The following KIF5C variants were observed in gnomAD, a reference collection of about 807,000 sequenced individuals.
KIF5C encodes kinesin family member 5C.
In KIF5C, 18 loss-of-function variants were observed where a neutral mutation model predicts 125.2. That is an observed-to-expected ratio of 0.14 (90% CI 0.10 to 0.21). The LOEUF is 0.21. Ranked by LOEUF, KIF5C falls within the 10% of genes least tolerant of loss-of-function variation. The pLI is 1.00. For synonymous variants in KIF5C, 405 were observed against 434.0 expected (o/e 0.93, Z 0.83); for missense variants, 780 against 1,183.8 (o/e 0.66, Z 5.01).
intron 1 of KIF5C, chr2:148,879,156 C>G (rs557704820): frequency 6.6e-6 from 1 of 152,174 alleles, no homozygotes; most frequent in East Asian, 1.9e-4. Context: ...TATGATCTCC[C>G]AAGTTTTTTG....
chr2:148,883,237 C>T (rs1681417461), intron 1 of KIF5C, among the ~76,000 whole-genome samples: 1 of 152,212 alleles, frequency 6.6e-6, no homozygotes, highest in Admixed American at 6.5e-5. Flanking sequence ...CGCAGTGGCT[C>T]ACACCTGTAA....
Position 148,875,575 on chromosome 2 carries a change from G to GGCCCCCCCCCCACACCCCCCCCCCCC in KIF5C, c.-43_-42insGCCCCCCCCCCACACCCCCCCCCCCC. On this transcript the variant is annotated 5_prime_UTR_variant, in exon 1 of 26. Coordinates refer to ENST00000435030, the MANE Select transcript of KIF5C (RefSeq NM_004522.3). ...TCCTCCCTCGTCGTTCCCGGCCCCG[G>GGCCCCCCCCCCACACCCCCCCCCCCC]CCCCCCACCCATCCCCGTGCCCCCT... 1 of 699,606 alleles carries GGCCCCCCCCCCACACCCCCCCCCCCC rather than the reference G, an allele frequency of 1.4e-6. No homozygotes were observed. Among genetic ancestry groups the GGCCCCCCCCCCACACCCCCCCCCCCC allele is most frequent in the Non-Finnish European group, 2.6e-6 (1 of 389,230 alleles). The allele number at this position is 699,606 out of a possible 1,614,324, so 43.3% of individuals were successfully genotyped here. A position where few individuals can be genotyped will look rare whatever the true frequency, so the allele number is the denominator to read the frequency against.
intron 23 of KIF5C, among the ~76,000 whole-genome samples, chr2:149,009,127 T>C (rs1352696858): frequency 6.6e-6 from 1 of 151,296 alleles, no homozygotes; most frequent in Non-Finnish European, 1.5e-5. Context: ...GTAGCTGGGA[T>C]TACAGGTGCG....
intron 4 of KIF5C, 128 bp downstream of exon 4, chr2:148,937,516 G>A: frequency 2.3e-6 from 3 of 1,332,534 alleles, no homozygotes; most frequent in Non-Finnish European, 3.0e-6. Context: ...GGTAAGCAGA[G>A]CCCTCTTTAT....
At chr2:149,002,432 C>T (rs1230819993) in intron 21 of KIF5C, among the ~76,000 whole-genome samples, 1 of 152,200 alleles carries the variant, frequency 6.6e-6, no homozygotes, top group Non-Finnish European at 1.5e-5. Flanking sequence ...GTTCTCATGC[C>T]TCTGCGCAGC....
intron 1 of KIF5C, among the ~76,000 whole-genome samples, chr2:148,897,108 T>C (rs1680702835): frequency 6.6e-6 from 1 of 152,156 alleles, no homozygotes; most frequent in African/African-American, 2.4e-5. Flanking sequence ...GCTAGGATTA[T>C]AGGCATGAGC....
intron 15 of KIF5C, among the ~76,000 whole-genome samples, chr2:148,986,053 T>A (rs1448819856): frequency 6.6e-6 from 1 of 152,188 alleles, no homozygotes; most frequent in African/African-American, 2.4e-5. Flanking sequence ...GTGAGGTGAT[T>A]AAATGGCCTC....
In KIF5C at chr2:148,981,399, G is replaced by A; in HGVS notation, c.1407G>A (p.Glu469=). The change falls in exon 14 of 26, where the codon GAG becomes GAA. Residue 469 remains glutamate, a synonymous_variant. Transcript: ENST00000435030. ...GAGACTATGAGAAGATACAGGAGGAGCTGACACGTCTCCAGATTGAAAATG... is the reference window on the plus strand; with the variant it reads ...GAGACTATGAGAAGATACAGGAGGAACTGACACGTCTCCAGATTGAAAATG... ...TRRDYEKIQE[E]LTRLQIENEA... 6.2e-7 allele frequency: 1 copy of A among 1,611,526 alleles called. No individual in the cohort carries two copies. Among genetic ancestry groups the A allele is most frequent in the South Asian group, 1.1e-5 (1 of 90,192 alleles).
intron 1 of KIF5C, among the ~76,000 whole-genome samples, chr2:148,912,873 C>G (rs1485321128): frequency 6.6e-6 from 1 of 152,148 alleles, no homozygotes; most frequent in Non-Finnish European, 1.5e-5. Flanking sequence ...GATGCATGAG[C>G]CTTGTGTAGC....
chr2:148,894,664 A>G (rs1011738964), intron 1 of KIF5C, among the ~76,000 whole-genome samples: 3 of 151,848 alleles, frequency 2.0e-5, no homozygotes, highest in African/African-American at 7.3e-5. Context: ...AGGGCAAGTT[A>G]TTTTCAGCCA....
At chr2:148,919,344 G>A (rs1042522785) in intron 1 of KIF5C, among the ~76,000 whole-genome samples, 1 of 152,178 alleles carries the variant, frequency 6.6e-6, no homozygotes, top group African/African-American at 2.4e-5. Context: ...ACACCTGGAA[G>A]GGACTCGTGT....
chr2:148,974,677 A>G (rs1170356063), intron 12 of KIF5C, among the ~76,000 whole-genome samples: 1 of 152,252 alleles, frequency 6.6e-6, no homozygotes, highest in East Asian at 1.9e-4. Flanking sequence ...ATCAATAGTA[A>G]GTTAACAGTA....
At chr2:149,012,186 T>G (rs560058315) in intron 25 of KIF5C, among the ~76,000 whole-genome samples, 1 of 152,196 alleles carries the variant, frequency 6.6e-6, no homozygotes, top group East Asian at 1.9e-4. Context: ...GGATGCTTTT[T>G]TCTTTGAGAT....
At chr2:148,907,078 G>C (rs58847251) in intron 1 of KIF5C, among the ~76,000 whole-genome samples, 1 of 152,044 alleles carries the variant, frequency 6.6e-6, no homozygotes, top group Non-Finnish European at 1.5e-5. Context: ...AGAAAAGAAA[G>C]AAAAAGAAAA....
At chr2:148,934,833 G>A (rs1435277928) in intron 3 of KIF5C, among the ~76,000 whole-genome samples, 1 of 150,444 alleles carries the variant, frequency 6.6e-6, no homozygotes, top group South Asian at 2.1e-4. Flanking sequence ...CACCCCACAC[G>A]TATATCACAC....
intron 15 of KIF5C, among the ~76,000 whole-genome samples, chr2:148,986,275 A>G (rs770795504): frequency 5.3e-5 from 8 of 152,198 alleles, no homozygotes; most frequent in Admixed American, 6.5e-5. Context: ...TAAATACTCA[A>G]TTGGATATTT....
At chr2:148,908,902 G>A (rs552311849) in intron 1 of KIF5C, among the ~76,000 whole-genome samples, 31 of 152,268 alleles carry the variant, frequency 2.0e-4, no homozygotes, top group Admixed American at 9.8e-4. Flanking sequence ...GAATGAATCC[G>A]TGATGTTATC....
chr2:148,875,717 A>C lies in KIF5C; in HGVS notation c.100A>C (p.Lys34Gln). 1 of 1,604,122 alleles carries C rather than the reference A, an allele frequency of 6.2e-7. No homozygotes were observed. The highest frequency in any genetic ancestry group is 2.2e-5 in the East Asian group (1 of 44,528). Residue 34 changes from lysine (K) to glutamine (Q), a missense_variant, in exon 1 of 26, where the codon AAA becomes CAA. By Grantham distance (53) the Lys-to-Gln change is moderately conservative. Coordinates refer to ENST00000435030, the MANE Select transcript of KIF5C (RefSeq NM_004522.3). Reference sequence around the variant, plus strand: ...CGGGGACAAATTCATCCCCAAATTTAAAGGCGATGAGACCGTGGTGATCGG... The same window carrying C: ...CGGGGACAAATTCATCCCCAAATTTCAAGGCGATGAGACCGTGGTGATCGG... ...LRGDKFIPKF[K>Q]GDETVVIGQG...
At chr2:149,022,039 C>T (rs192059901) in intron 25 of KIF5C, among the ~76,000 whole-genome samples, 7 of 152,188 alleles carry the variant, frequency 4.6e-5, no homozygotes, top group Admixed American at 3.3e-4. Flanking sequence ...CAGCACCAGC[C>T]GAACTTCTGG....
Sources: allele counts gnomAD v4.1 joint callset (sites outside exome capture counted in the v4.1 genomes callset), GRCh38; gene constraint gnomAD v4.1.1; transcripts MANE v1.5; gene names NCBI Gene and HGNC (gene_info 2026-07-23, HGNC 2026-07-21).